The following SNPH variants were observed in gnomAD, a reference collection of about 807,000 sequenced individuals.
SNPH encodes syntaphilin.
SNPH carries 10 observed loss-of-function variants against 36.8 expected under a neutral mutation model. The observed-to-expected ratio is 0.27, with a 90% CI of 0.17 to 0.46. SNPH has a LOEUF of 0.46. SNPH is among the 20% of genes least tolerant of loss of function. The pLI is 1.00. For synonymous variants in SNPH, 281 were observed against 312.2 expected (o/e 0.90, Z 1.05); for missense variants, 622 against 744.0 (o/e 0.84, Z 1.91).
intron 2 of SNPH, among the ~76,000 whole-genome samples, chr20:1,291,180 C>G (rs1199465134): frequency 6.6e-6 from 1 of 152,222 alleles, no homozygotes; most frequent in African/African-American, 2.4e-5. Context: ...AGCCCTCAAC[C>G]TATGCTGGTT....
intron 2 of SNPH, among the ~76,000 whole-genome samples, chr20:1,268,963 G>C: frequency 6.6e-6 from 1 of 152,178 alleles, no homozygotes; most frequent in East Asian, 1.9e-4. Flanking sequence ...GTGCCTGGGA[G>C]GGTGGTGATG....
intron 2 of SNPH, among the ~76,000 whole-genome samples, chr20:1,286,900 T>G (rs1288765722): frequency 1.3e-5 from 2 of 152,162 alleles, no homozygotes; most frequent in Admixed American, 1.3e-4. Context: ...CCACATCCCT[T>G]TAGTCCTTTG....
In SNPH at chr20:1,307,199, G is replaced by C. The variant is rs1402898164; in HGVS notation, c.*1145G>C. The C allele has an allele frequency of 6.6e-6, 1 of 152,578 alleles. No individual in the cohort carries two copies. Among genetic ancestry groups the C allele is most frequent in the Non-Finnish European group, 1.5e-5 (1 of 68,086 alleles). The allele number at this position is 152,578 out of a possible 1,614,324, so 9.5% of individuals were successfully genotyped here. A position where few individuals can be genotyped will look rare whatever the true frequency, so the allele number is the denominator to read the frequency against. ...CTCTCTGCCTCTGGAGGAGGGTGGG[G>C]TATTCTGGCAGGATGAATCGCAGGA... On this transcript the variant is annotated 3_prime_UTR_variant, in exon 7 of 7. Transcript: ENST00000381867.
At chr20:1,277,049 C>T (rs1216021102) in intron 2 of SNPH, among the ~76,000 whole-genome samples, 1 of 152,134 alleles carries the variant, frequency 6.6e-6, no homozygotes, top group African/African-American at 2.4e-5. Context: ...GAAACAAAAT[C>T]AGGCCCAGGA....
chr20:1,295,319 C>T (rs1190716521), intron 3 of SNPH, among the ~76,000 whole-genome samples: 1 of 152,202 alleles, frequency 6.6e-6, no homozygotes, highest in East Asian at 1.9e-4. Flanking sequence ...GCCCTTGGAA[C>T]CCAAGCCTCT....
At chr20:1,275,285 G>A (rs547783068) in intron 2 of SNPH, among the ~76,000 whole-genome samples, 15 of 152,292 alleles carry the variant, frequency 9.8e-5, no homozygotes, top group African/African-American at 2.9e-4. Context: ...GAGAGGAGAC[G>A]GGATGATCTG....
At chr20:1,286,530 C>A (rs754935279) in intron 2 of SNPH, among the ~76,000 whole-genome samples, 25 of 152,172 alleles carry the variant, frequency 1.6e-4, no homozygotes, top group Non-Finnish European at 2.9e-4. Flanking sequence ...CCCCTGGGAG[C>A]TGCAGGAAGA....
intron 4 of SNPH, among the ~76,000 whole-genome samples, 188 bp downstream of exon 4, chr20:1,296,609 T>C (rs564687632): frequency 3.5e-4 from 54 of 152,352 alleles, no homozygotes; most frequent in African/African-American, 1.3e-3. Flanking sequence ...ACACAGTGGA[T>C]GTGAGAGTTC....
Position 1,285,847 on chromosome 20 carries a change from A to G in SNPH, c.-492-9104A>G, listed in dbSNP as rs575369736. Reference sequence around the variant, plus strand: ...TGCAGTGGCTCATGCCTGTAATCCCAGCACTTTGGGAGGCCAAGGCAGGTG... The same window carrying G: ...TGCAGTGGCTCATGCCTGTAATCCCGGCACTTTGGGAGGCCAAGGCAGGTG... On this transcript the variant is annotated intron_variant, in intron 2 of 6. Coordinates refer to ENST00000381867, the MANE Select transcript of SNPH (RefSeq NM_001318234.2). This position sits in a 1 kb window ranked among gnomAD's most constrained non-coding sequence, Gnocchi z 4.9. Among the ~76,000 whole-genome samples, 2 of 152,224 alleles carry G rather than the reference A, an allele frequency of 1.3e-5. No homozygotes were observed. Among genetic ancestry groups the G allele is most frequent in the African/African-American group, 4.8e-5 (2 of 41,466 alleles).
chr20:1,283,576 T>C (rs550274373), intron 2 of SNPH, among the ~76,000 whole-genome samples: 3 of 152,234 alleles, frequency 2.0e-5, no homozygotes, highest in African/African-American at 4.8e-5. Context: ...CCAGAAAACA[T>C]GGATTTTAAA....
chr20:1,268,999 C>T (rs2088040951), intron 2 of SNPH, among the ~76,000 whole-genome samples: 1 of 152,080 alleles, frequency 6.6e-6, no homozygotes, highest in African/African-American at 2.4e-5. Flanking sequence ...CCAGATGGTG[C>T]CAGCTGGTGT....
Position 1,296,273 on chromosome 20 carries a change from T to C in SNPH, c.34T>C (p.Trp12Arg). The C allele has an allele frequency of 5.1e-6, 8 of 1,558,392 alleles. No homozygotes were observed. The highest frequency in any genetic ancestry group is 6.9e-6 in the Non-Finnish European group (8 of 1,153,914). ...CAGCGGCCCCAGCGAGAGGATGACGTGGCCTGGCCCGGCCCTTTCTGCGGG... is the reference window on the plus strand; with the variant it reads ...CAGCGGCCCCAGCGAGAGGATGACGCGGCCTGGCCCGGCCCTTTCTGCGGG... ...PGSGPSERMT[W>R]PGPALSAGPP... The change falls in exon 4 of 7, where the codon TGG becomes CGG. Residue 12 changes from tryptophan (W) to arginine (R), a missense_variant. Physicochemically the swap from Trp to Arg is moderately radical, Grantham distance 101. Transcript: ENST00000381867.
chr20:1,277,355 GTGTGTATGTGTATGTGCC>G (rs1242047369), intron 2 of SNPH, among the ~76,000 whole-genome samples: 59 of 152,266 alleles, frequency 3.9e-4, no homozygotes, highest in African/African-American at 1.4e-3. Context: ...CATACTCTGT[GTGTGTATGTGTATGTGCC>G]TGTGTCTGTG....
At chr20:1,297,826 G>T (rs144853380) in intron 5 of SNPH, among the ~76,000 whole-genome samples, 5 of 152,348 alleles carry the variant, frequency 3.3e-5, no homozygotes, top group Admixed American at 2.0e-4. Flanking sequence ...TGGGGGTTCC[G>T]CTAGGAAGAA....
rs1427024653 is a variant in SNPH at position 1,285,878 on chromosome 20, C to T, written c.-492-9073C>T. On this transcript the variant is annotated intron_variant, in intron 2 of 6. Coordinates refer to ENST00000381867, the MANE Select transcript of SNPH (RefSeq NM_001318234.2). The surrounding 1 kb of genome is among the most constrained non-coding windows in gnomAD (Gnocchi z 4.9). ...TTGGGAGGCCAAGGCAGGTGGATCA[C>T]AAGGTCAGGAGTTTGAGACCATCCT... is the stretch of plus-strand genomic sequence containing the variant. Among the ~76,000 whole-genome samples the T allele has an allele frequency of 2.6e-5, 4 of 152,022 alleles. No individual in the cohort carries two copies. The highest frequency in any genetic ancestry group is 6.6e-5 in the Admixed American group (1 of 15,260).
chr20:1,299,268 C>T (rs2088477007), intron 5 of SNPH, among the ~76,000 whole-genome samples: 1 of 152,204 alleles, frequency 6.6e-6, no homozygotes, highest in Non-Finnish European at 1.5e-5. Context: ...TGGGCCTCAC[C>T]AGGGCCTGCC....
intron 2 of SNPH, among the ~76,000 whole-genome samples, chr20:1,293,887 C>T (rs916175210): frequency 2.6e-5 from 4 of 152,138 alleles, no homozygotes; most frequent in African/African-American, 7.2e-5. Context: ...TGTAGCAAGG[C>T]CACACGCAGC....
In SNPH at chr20:1,306,322, C is replaced by G. The variant is rs2088579023; in HGVS notation, c.*268C>G. The G allele has an allele frequency of 2.6e-6, 1 of 382,322 alleles. No homozygotes were observed. Among genetic ancestry groups the G allele is most frequent in the South Asian group, 7.2e-5 (1 of 13,928 alleles). 23.7% of individuals were successfully genotyped at this position (382,322 alleles called of 1,614,324 possible). ...TGCAGGGAGGGGAGGGAGCGAGGGC[C>G]AACCCGGCCCCTCTGTCCCCTTGGC... On this transcript the variant is annotated 3_prime_UTR_variant, in exon 7 of 7. Coordinates refer to ENST00000381867, the MANE Select transcript of SNPH (RefSeq NM_001318234.2).
At chr20:1,279,951 G>A (rs550911222) in intron 2 of SNPH, among the ~76,000 whole-genome samples, 2 of 152,272 alleles carry the variant, frequency 1.3e-5, no homozygotes, top group African/African-American at 2.4e-5. Flanking sequence ...CTCTCCAGCC[G>A]ACCCTCCCAA....
Sources: allele counts gnomAD v4.1 joint callset (sites outside exome capture counted in the v4.1 genomes callset), GRCh38; gene constraint gnomAD v4.1.1; non-coding constraint Gnocchi (gnomAD v3.1); transcripts MANE v1.5; gene names NCBI Gene and HGNC (gene_info 2026-07-23, HGNC 2026-07-21).